The following RNF168 variants were observed in gnomAD, a reference collection of about 807,000 sequenced individuals.
RNF168 encodes the protein ring finger protein 168.
A neutral mutation model predicts 34.9 loss-of-function variants in RNF168; 34 were observed. That is an observed-to-expected ratio of 0.97 (90% CI 0.74 to 1.30). The LOEUF (loss-of-function observed/expected upper bound fraction) is 1.30, where lower values mean the gene tolerates loss of function less well. Among genes scored for constraint, RNF168 ranks in the 50% most tolerant of loss-of-function variants. The pLI, the probability that RNF168 is intolerant of heterozygous loss-of-function variation, is 0.00. For missense variants in RNF168, 725 were observed against 682.5 expected, an observed-to-expected ratio of 1.06 and a Z score of -0.69; for synonymous variants, 264 against 254.7, an observed-to-expected ratio of 1.04 and a Z score of -0.35.
At chr3:196,493,115 A>G (rs1732635455) in intron 1 of RNF168, among the ~76,000 whole-genome samples, 1 of 152,248 alleles carries the variant, frequency 6.6e-6, no homozygotes, top group South Asian at 2.1e-4. Flanking sequence ...ATAAATCACC[A>G]GAGAATTAGT....
At position 196,472,559 on chromosome 3, in the gene RNF168, A is replaced by G. The variant is rs145947062; in HGVS notation, c.976T>C (p.Cys326Arg). The change falls in exon 6 of 6, where the codon TGT (cysteine) becomes CGT (arginine). Residue 326 changes from cysteine (C) to arginine (R), a missense_variant. Physicochemically the swap from Cys to Arg is radical, Grantham distance 180. Transcript: ENST00000318037. ...TRPSNHGKELCVLSHERPKTR... is the reference protein window; with the variant it reads ...TRPSNHGKELRVLSHERPKTR... ...TTAGGTCGCTCGTGACTTAAGACAC[A>G]TAACTCTTTCCCATGATTGCTTGGT... 89 of 1,614,234 alleles carry G rather than the reference A, an allele frequency of 5.5e-5. No individual in the cohort carries two copies. In the African/African-American group the frequency reaches 5.6e-4, roughly 10 times the overall value.
chr3:196,495,525 C>T (rs755810312), intron 1 of RNF168, among the ~76,000 whole-genome samples: 11 of 152,132 alleles, frequency 7.2e-5, no homozygotes, highest in Admixed American at 3.3e-4. Context: ...CTAACAACTA[C>T]GTTTTGTAGA....
intron 4 of RNF168, among the ~76,000 whole-genome samples, chr3:196,480,300 C>A (rs1372755399): frequency 6.6e-6 from 1 of 152,034 alleles, no homozygotes; most frequent in African/African-American, 2.4e-5. Flanking sequence ...CCATGAAAGC[C>A]CATATGCTTA....
At chr3:196,483,149 G>A (rs1732338026) in intron 4 of RNF168, among the ~76,000 whole-genome samples, 1 of 149,792 alleles carries the variant, frequency 6.7e-6, no homozygotes, top group African/African-American at 2.5e-5. Flanking sequence ...CTTCTCCTAA[G>A]CTTCCTCCCA....
At chr3:196,488,945 A>C (rs2108650961) in intron 1 of RNF168, among the ~76,000 whole-genome samples, 1 of 151,054 alleles carries the variant, frequency 6.6e-6, no homozygotes, top group Non-Finnish European at 1.5e-5. Flanking sequence ...TCCACCTCCC[A>C]GGTTCAAGCG....
chr3:196,480,275 T>A (rs1373985883), intron 4 of RNF168, among the ~76,000 whole-genome samples: 1 of 152,216 alleles, frequency 6.6e-6, no homozygotes, highest in East Asian at 1.9e-4. Flanking sequence ...CTAAAAAGTT[T>A]AAAAATCTGT....
rs1732001403 is a variant in RNF168, at chr3:196,471,337, G to A, written c.*482C>T. ...ACAATGCTGAAAATTGAATTAAATT[G>A]GAGATGGAAATTAGATTACTTTAGG... On this transcript the variant is annotated 3_prime_UTR_variant, in exon 6 of 6. Coordinates refer to ENST00000318037, the MANE Select transcript of RNF168 (RefSeq NM_152617.4). 1 of 150,500 alleles carries A rather than the reference G, an allele frequency of 6.6e-6. No homozygotes were observed. Among genetic ancestry groups the A allele is most frequent in the Non-Finnish European group, 1.5e-5 (1 of 68,150 alleles). 9.3% of individuals were successfully genotyped at this position (150,500 alleles called of 1,614,324 possible). A position where few individuals can be genotyped will look rare whatever the true frequency, so the allele number is the denominator to read the frequency against.
intron 4 of RNF168, among the ~76,000 whole-genome samples, chr3:196,480,454 T>C (rs1732259475): frequency 6.6e-6 from 1 of 152,216 alleles, no homozygotes; most frequent in South Asian, 2.1e-4. Context: ...AAACACTTTA[T>C]TGATTAGTAT....
In RNF168 at chr3:196,472,427, C is replaced by T; in HGVS notation, c.1108G>A (p.Gly370Ser). The T allele has an allele frequency of 6.2e-7, 1 of 1,613,714 alleles. No homozygotes were observed. The highest frequency in any genetic ancestry group is 8.5e-7 in the Non-Finnish European group (1 of 1,179,864). Residue 370 changes from glycine (G) to serine (S), a missense_variant, in exon 6 of 6, where the codon GGT (glycine) becomes AGT (serine). Transcript: ENST00000318037. ...GVTQTNGNNT[G>S]ETENEESCLL... ...CACGACTCTTCATTTTCTGTCTCAC[C>T]TGTGTTGTTTCCATTTGTCTGTGTC...
Position 196,487,533 on chromosome 3 carries a change from T to C in RNF168, c.424A>G (p.Ser142Gly), listed in dbSNP as rs1732486547. 1.9e-6 allele frequency: 3 copies of C among 1,614,226 alleles called. No homozygotes were observed. Among genetic ancestry groups the C allele is most frequent in the Admixed American group, 1.7e-5 (1 of 60,028 alleles). ...AACAACCTCTGTATGTATTCTTCAC[T>C]GGCTTTGTTTTCTTCTTCCTCGCTG... ...RASEEEENKASEEYIQRLLAE... is the reference protein window; with the variant it reads ...RASEEEENKAGEEYIQRLLAE... The change falls in exon 3 of 6, where the codon AGT becomes GGT. Residue 142 changes from serine to glycine, a missense_variant. By Grantham distance (56) the Ser-to-Gly change is moderately conservative. Transcript: ENST00000318037.
At chr3:196,487,691 G>T in intron 2 of RNF168, 113 bp from the exon 3 acceptor site, 2 of 993,742 alleles carry the variant, frequency 2.0e-6, no homozygotes, top group Admixed American at 2.0e-5. Context: ...AAATTTAAAT[G>T]ATCTCAAATG....
In RNF168 at chr3:196,472,102, G is replaced by A; in HGVS notation, c.1433C>T (p.Ala478Val). 1 of 1,613,738 alleles carries A rather than the reference G, an allele frequency of 6.2e-7. No individual in the cohort carries two copies. Among genetic ancestry groups the A allele is most frequent in the Non-Finnish European group, 8.5e-7 (1 of 1,179,844 alleles). Residue 478 changes from alanine to valine, a missense_variant, in exon 6 of 6, where the codon GCT (alanine) becomes GTT (valine). Transcript: ENST00000318037. ...CACTTTGTCTGGAGGGGAGGATGTA[G>A]CGCGTAAGTGATACTCATCTGGGGA... ...KGSPDEYHLR[A>V]TSSPPDKVLN...
intron 4 of RNF168, among the ~76,000 whole-genome samples, chr3:196,480,560 G>A (rs1381315836): frequency 1.3e-5 from 2 of 152,232 alleles, no homozygotes; most frequent in Admixed American, 1.3e-4. Flanking sequence ...AGTCTGAGGA[G>A]ATCTGACCAT....
intron 4 of RNF168, among the ~76,000 whole-genome samples, chr3:196,481,314 G>A (rs546447993): frequency 2.6e-5 from 4 of 152,246 alleles, no homozygotes; most frequent in Admixed American, 2.6e-4. Flanking sequence ...GCTCACTCCT[G>A]TAATCCAGGC....
In RNF168 at chr3:196,479,870, G is replaced by A. The variant is rs59386010; in HGVS notation, c.680+3900C>T. Among the ~76,000 whole-genome samples the A allele has an allele frequency of 8.5e-3, 1,288 of 152,240 alleles. 20 individuals are homozygous for A. Among genetic ancestry groups the A allele is most frequent in the African/African-American group, 0.029 (1,199 of 41,548 alleles). ...CCCTCCCAAAGTGCTAGGATTACAC[G>A]CATAAGCTACTGCGCCCGGCTTGTG... On this transcript the variant is annotated intron_variant, in intron 4 of 5. Transcript: ENST00000318037.
chr3:196,481,682 G>GGTTTT (rs1577512919), intron 4 of RNF168, among the ~76,000 whole-genome samples: 1 of 62,392 alleles, frequency 1.6e-5, no homozygotes, highest in African/African-American at 6.3e-5. Flanking sequence ...TTTCAGCTGC[G>GGTTTT]TTTTTTTTTT....
intron 4 of RNF168, among the ~76,000 whole-genome samples, chr3:196,479,721 G>C (rs1382932134): frequency 6.6e-6 from 1 of 151,530 alleles, no homozygotes; most frequent in African/African-American, 2.4e-5. Flanking sequence ...CTCCCCAGTA[G>C]CGGGATTACA....
At chr3:196,493,580 C>T (rs150557725) in intron 1 of RNF168, among the ~76,000 whole-genome samples, 186 of 152,236 alleles carry the variant, frequency 1.2e-3, no homozygotes, top group African/African-American at 4.3e-3. Flanking sequence ...GGCTGGAGTA[C>T]AATGGCGCAA....
rs1277432823 is a variant in RNF168, at chr3:196,472,613, A to G, written c.922T>C (p.Trp308Arg). Residue 308 changes from tryptophan to arginine, a missense_variant, in exon 6 of 6, where the codon TGG (tryptophan) becomes CGG (arginine). By Grantham distance (101) the Trp-to-Arg change is moderately radical (BLOSUM62 -3). Coordinates refer to ENST00000318037, the MANE Select transcript of RNF168 (RefSeq NM_152617.4). The stretch of plus-strand genomic sequence containing the variant: ...GTTTTGACGTTTCCTTCATGGTACC[A>G]TTCGGCACCACAGGCACATAACCAT... The part of the protein sequence containing the change: ...MPWLCACGAE[W>R]YHEGNVKTRP... 1 of 1,613,966 alleles carries G rather than the reference A, an allele frequency of 6.2e-7. No homozygotes were observed. The highest frequency in any genetic ancestry group is 1.3e-5 in the African/African-American group (1 of 74,940).
Sources: allele counts gnomAD v4.1 joint callset (sites outside exome capture counted in the v4.1 genomes callset), GRCh38; gene constraint gnomAD v4.1.1; transcripts MANE v1.5; gene names NCBI Gene and HGNC (gene_info 2026-07-23, HGNC 2026-07-21).